NRIP1: variants seen among roughly 807,000 people sequenced by gnomAD.
NRIP1 encodes nuclear receptor-interacting protein 1.
Under a neutral mutation model 75.0 loss-of-function variants are expected in NRIP1, and 28 were observed. The observed-to-expected ratio is 0.37, with a 90% CI of 0.28 to 0.51. NRIP1 has a LOEUF of 0.51. NRIP1 is among the 20% of genes least tolerant of loss of function. NRIP1 has a pLI of 0.92. For missense variants in NRIP1, 1,435 were observed against 1,343.7 expected (o/e 1.07, Z -1.06); for synonymous variants, 526 against 487.6 (o/e 1.08, Z -1.04).
At chr21:15,028,615 G>A (rs185753535) in intron 2 of NRIP1, among the ~76,000 whole-genome samples, 30 of 152,040 alleles carry the variant, frequency 2.0e-4, no homozygotes, top group African/African-American at 7.0e-4. Context: ...ACTAACGTAG[G>A]CACTAAATAA....
At chr21:15,018,165 A>G (rs1004552511) in intron 2 of NRIP1, among the ~76,000 whole-genome samples, 1 of 152,198 alleles carries the variant, frequency 6.6e-6, no homozygotes, top group African/African-American at 2.4e-5. Flanking sequence ...ATATTATACA[A>G]TCTTTAAAAT....
rs562255958 is a variant in NRIP1 at position 14,962,904 on chromosome 21, T to C, written c.*1812A>G. On this transcript the variant is annotated 3_prime_UTR_variant, in exon 4 of 4. Transcript: ENST00000318948. Reference sequence around the variant, plus strand: ...AATTTTAAATCAATATCCTAACTAGTAGTGATTATAGAATAATTTTTGATA... The same window carrying C: ...AATTTTAAATCAATATCCTAACTAGCAGTGATTATAGAATAATTTTTGATA... 2 of 152,540 alleles carry C rather than the reference T, an allele frequency of 1.3e-5. No individual in the cohort carries two copies. The highest frequency in any genetic ancestry group is 2.9e-5 in the Non-Finnish European group (2 of 67,922). 9.4% of individuals were successfully genotyped at this position (152,540 alleles called of 1,614,324 possible).
At chr21:14,984,620 G>C (rs757689175) in intron 3 of NRIP1, among the ~76,000 whole-genome samples, 12 of 152,176 alleles carry the variant, frequency 7.9e-5, no homozygotes, top group Non-Finnish European at 1.3e-4. Flanking sequence ...GGTTTGAGAG[G>C]ATTGACTCTT....
intron 3 of NRIP1, among the ~76,000 whole-genome samples, chr21:15,012,602 G>A (rs960186179): frequency 1.3e-5 from 2 of 151,674 alleles, no homozygotes; most frequent in Admixed American, 1.3e-4. Context: ...ACAGGCACGC[G>A]CTACCACACC....
Position 14,966,084 on chromosome 21 carries a change from T to C in NRIP1, c.2109A>G (p.Ile703Met), listed in dbSNP as rs1159046008. Reference protein sequence around the residue: ...GPEPGLSGSEIENLLERRTVL... With the variant: ...GPEPGLSGSEMENLLERRTVL... ...CAGTACGTCTTTCAAGCAGATTTTC[T>C]ATTTCAGAACCAGAAAGCCCTGGTT... The change falls in exon 4 of 4, where the codon ATA (isoleucine) becomes ATG (methionine). Residue 703 changes from isoleucine (I) to methionine (M), a missense_variant. Transcript: ENST00000318948. 6.2e-7 allele frequency: 1 copy of C among 1,612,296 alleles called. No individual in the cohort carries two copies. The highest frequency in any genetic ancestry group is 1.3e-5 in the African/African-American group (1 of 74,928).
At chr21:14,976,087 G>A (rs1368675421) in intron 3 of NRIP1, among the ~76,000 whole-genome samples, 1 of 151,870 alleles carries the variant, frequency 6.6e-6, no homozygotes, top group African/African-American at 2.4e-5. Context: ...GTATACCAAA[G>A]GTTAATGTAT....
At chr21:15,046,359 G>A (rs900279493) in intron 1 of NRIP1, among the ~76,000 whole-genome samples, 5 of 152,202 alleles carry the variant, frequency 3.3e-5, no homozygotes, top group Non-Finnish European at 5.9e-5. Flanking sequence ...GAGTGACCAG[G>A]TGCGTGGTCA....
chr21:15,061,016 G>T (rs2089411842), intron 1 of NRIP1, among the ~76,000 whole-genome samples: 1 of 152,054 alleles, frequency 6.6e-6, no homozygotes, highest in African/African-American at 2.4e-5. Context: ...AATACTACAG[G>T]ATGAGCCTGC....
At chr21:15,064,537 G>C (rs1388408679) in intron 1 of NRIP1, among the ~76,000 whole-genome samples, 1 of 151,916 alleles carries the variant, frequency 6.6e-6, no homozygotes, top group African/African-American at 2.4e-5. Flanking sequence ...CAACTTGCCG[G>C]CCCGCCGCCC....
At position 15,026,633 on chromosome 21, in the gene NRIP1, ATATG is replaced by A. The variant is rs531936527; in HGVS notation, c.-457-12171_-457-12168del. Among the ~76,000 whole-genome samples, 25 of 152,300 alleles carry A rather than the reference ATATG, an allele frequency of 1.6e-4. No individual in the cohort carries two copies. In the East Asian group the frequency reaches 3.7e-3, roughly 22 times the overall value. ...TGTGTGTAAATATAAGTACACCTAT[ATATG>A]TATGTAAGTATATCAACATAGGTAT... On this transcript the variant is annotated intron_variant, in intron 2 of 3. Transcript: ENST00000318948.
chr21:15,023,035 G>A (rs1231362736), intron 2 of NRIP1, among the ~76,000 whole-genome samples: 1 of 152,174 alleles, frequency 6.6e-6, no homozygotes, highest in Non-Finnish European at 1.5e-5. Context: ...CTAGACAGAA[G>A]GATCGGTGGT....
intron 1 of NRIP1, among the ~76,000 whole-genome samples, chr21:15,059,523 AGAAG>A (rs1159481057): frequency 6.6e-6 from 1 of 151,938 alleles, no homozygotes; most frequent in Non-Finnish European, 1.5e-5. Context: ...GAAAGTGGAA[AGAAG>A]GAAGGGAGGG....
intron 1 of NRIP1, among the ~76,000 whole-genome samples, chr21:15,060,304 G>A (rs974442938): frequency 2.0e-5 from 3 of 152,018 alleles, no homozygotes; most frequent in Admixed American, 2.0e-4. Context: ...TAAATTTCAA[G>A]AAAAAACAAC....
chr21:15,046,824 T>C (rs1277600422), intron 1 of NRIP1, among the ~76,000 whole-genome samples: 1 of 152,226 alleles, frequency 6.6e-6, no homozygotes, highest in African/African-American at 2.4e-5. Context: ...CGTGCACTTT[T>C]ATGTTATCCA....
intron 3 of NRIP1, among the ~76,000 whole-genome samples, chr21:15,010,467 C>T (rs2088076030): frequency 6.6e-6 from 1 of 151,054 alleles, no homozygotes; most frequent in Admixed American, 6.6e-5. Flanking sequence ...GAGGCTTAGT[C>T]TAGTAGGGAT....
At chr21:15,046,924 G>A (rs1409842482) in intron 1 of NRIP1, among the ~76,000 whole-genome samples, 1 of 152,162 alleles carries the variant, frequency 6.6e-6, no homozygotes, top group African/African-American at 2.4e-5. Context: ...CGGCCTTTGT[G>A]GAATTAGAGT....
chr21:15,060,733 A>C (rs908619492), intron 1 of NRIP1, among the ~76,000 whole-genome samples: 2 of 152,152 alleles, frequency 1.3e-5, no homozygotes, highest in African/African-American at 2.4e-5. Context: ...TCTCCCTCAA[A>C]CAACCACTAT....
At position 14,965,854 on chromosome 21, in the gene NRIP1, G is replaced by A; in HGVS notation, c.2339C>T (p.Pro780Leu). The A allele has an allele frequency of 6.2e-7, 1 of 1,614,060 alleles. No homozygotes were observed. Among genetic ancestry groups the A allele is most frequent in the East Asian group, 2.2e-5 (1 of 44,872 alleles). The change falls in exon 4 of 4, where the codon CCA becomes CTA. Residue 780 changes from proline to leucine, a missense_variant. By Grantham distance (98) the Pro-to-Leu change is moderately conservative (BLOSUM62 -3). Transcript: ENST00000318948. Reference sequence around the variant, plus strand: ...CACAGCAGGAGCCATACCCAAGAATGGGGCACTCTTAGCATCATGGCTCAA... The same window carrying A: ...CACAGCAGGAGCCATACCCAAGAATAGGGCACTCTTAGCATCATGGCTCAA... Reference protein sequence around the residue: ...VHLSHDAKSAPFLGMAPAVQR... With the variant: ...VHLSHDAKSALFLGMAPAVQR...
intron 2 of NRIP1, among the ~76,000 whole-genome samples, chr21:15,034,252 T>C (rs1159932209): frequency 1.3e-5 from 2 of 152,224 alleles, no homozygotes; most frequent in Admixed American, 6.5e-5. Flanking sequence ...CTGAGCCTTT[T>C]ATTTTCTTGC....
Sources: gnomAD v4.1 joint callset for allele counts (sites outside exome capture counted in the v4.1 genomes callset) on GRCh38, gnomAD v4.1.1 for gene constraint, MANE v1.5 for transcripts, NCBI Gene and HGNC (gene_info 2026-07-23, HGNC 2026-07-21) for gene names.